DLGAP2: variants seen among roughly 807,000 people sequenced by gnomAD.
DLGAP2 encodes DLG associated protein 2.
Under a neutral mutation model 100.3 loss-of-function variants are expected in DLGAP2, and 26 were observed. The observed-to-expected ratio is 0.26, with a 90% CI of 0.19 to 0.36. The LOEUF is 0.36. Ranked by LOEUF, DLGAP2 falls within the 10% of genes least tolerant of loss-of-function variation. DLGAP2 has a pLI of 1.00. For missense variants in DLGAP2, 1,858 were observed against 1,453.2 expected (o/e 1.28, Z -4.53); for synonymous variants, 886 against 630.1 (o/e 1.41, Z -6.08).
At chr8:1,098,793 C>T (rs983025296) in intron 2 of DLGAP2, among the ~76,000 whole-genome samples, 2 of 131,378 alleles carry the variant, frequency 1.5e-5, no homozygotes, top group Admixed American at 7.4e-5. Flanking sequence ...CCCGGCCGCC[C>T]ACGGACGCCG....
At chr8:1,180,420 G>C (rs1436704710) in intron 2 of DLGAP2, among the ~76,000 whole-genome samples, 1 of 152,208 alleles carries the variant, frequency 6.6e-6, no homozygotes, top group African/African-American at 2.4e-5. Context: ...GCCCAGCCTG[G>C]TCTTGAGCTC....
intron 1 of DLGAP2, among the ~76,000 whole-genome samples, chr8:824,070 C>A (rs1024753645): frequency 1.7e-4 from 25 of 150,874 alleles, no homozygotes; most frequent in African/African-American, 5.6e-4. Context: ...TCCTCCTCTT[C>A]CTTTTTCCTT....
chr8:1,083,347 T>C (rs1438807788), intron 2 of DLGAP2, among the ~76,000 whole-genome samples: 1 of 152,204 alleles, frequency 6.6e-6, no homozygotes, highest in Non-Finnish European at 1.5e-5. Context: ...CCCCAGCCTT[T>C]CGGAGAGGCA....
At chr8:1,321,704 C>T (rs994765308) in intron 3 of DLGAP2, among the ~76,000 whole-genome samples, 1 of 152,152 alleles carries the variant, frequency 6.6e-6, no homozygotes, top group African/African-American at 2.4e-5. Flanking sequence ...AATGGATTTT[C>T]TCTAGAACTC....
At chr8:1,591,293 C>T in intron 6 of DLGAP2, among the ~76,000 whole-genome samples, 1 of 91,852 alleles carries the variant, frequency 1.1e-5, no homozygotes, top group African/African-American at 2.7e-5. Flanking sequence ...CACACCCCCT[C>T]CCCCTCCCTC....
intron 2 of DLGAP2, among the ~76,000 whole-genome samples, chr8:1,188,354 C>G (rs1367445131): frequency 9.0e-5 from 11 of 122,772 alleles, no homozygotes; most frequent in South Asian, 5.2e-4. Flanking sequence ...CACCCGGGAC[C>G]TCCGTGACGT....
At chr8:1,685,894 A>G (rs1223469594) in intron 12 of DLGAP2, among the ~76,000 whole-genome samples, 1 of 152,236 alleles carries the variant, frequency 6.6e-6, no homozygotes, top group Admixed American at 6.5e-5. Context: ...CATCCCAGCT[A>G]GAATGGCTAT....
intron 1 of DLGAP2, among the ~76,000 whole-genome samples, chr8:797,936 G>C (rs957874928): frequency 6.6e-6 from 1 of 152,058 alleles, no homozygotes; most frequent in African/African-American, 2.4e-5. Context: ...ATTTTTAGTA[G>C]AGATGGGGTT....
intron 2 of DLGAP2, among the ~76,000 whole-genome samples, chr8:1,193,374 C>T (rs1029433156): frequency 6.6e-6 from 1 of 152,160 alleles, no homozygotes; most frequent in Non-Finnish European, 1.5e-5. Context: ...TCTAACTGGT[C>T]TGAGATGGTA....
At chr8:1,253,659 G>A (rs762547088) in intron 2 of DLGAP2, among the ~76,000 whole-genome samples, 5 of 152,134 alleles carry the variant, frequency 3.3e-5, no homozygotes, top group Non-Finnish European at 5.9e-5. Context: ...TGCGTGTGGT[G>A]AGGGTTCAGG....
intron 2 of DLGAP2, among the ~76,000 whole-genome samples, chr8:1,183,365 A>G (rs948182306): frequency 2.6e-5 from 4 of 152,220 alleles, no homozygotes; most frequent in Non-Finnish European, 4.4e-5. Flanking sequence ...CTTTTAGATT[A>G]TAGATGTGGC....
At chr8:1,048,013 C>T (rs1382576301) in intron 2 of DLGAP2, among the ~76,000 whole-genome samples, 2 of 152,130 alleles carry the variant, frequency 1.3e-5, no homozygotes, top group African/African-American at 2.4e-5. Context: ...TGCAAGGGTG[C>T]GGACACTGTG....
chr8:1,355,848 G>T (rs886069102), intron 3 of DLGAP2, among the ~76,000 whole-genome samples: 1 of 152,028 alleles, frequency 6.6e-6, no homozygotes, highest in African/African-American at 2.4e-5. Context: ...CTCAAAGCTA[G>T]TCCCCTTCAC....
intron 2 of DLGAP2, among the ~76,000 whole-genome samples, chr8:1,172,442 T>C (rs1230507307): frequency 2.0e-5 from 3 of 152,030 alleles, no homozygotes; most frequent in Non-Finnish European, 2.9e-5. Context: ...CCTTGCTAGA[T>C]TGGGGAAGTT....
chr8:1,269,370 G>A (rs541677134), intron 3 of DLGAP2, among the ~76,000 whole-genome samples: 3 of 152,206 alleles, frequency 2.0e-5, no homozygotes, highest in Non-Finnish European at 2.9e-5. Flanking sequence ...CGTGTGGCAC[G>A]GCGTGGCTCT....
In DLGAP2 at chr8:831,000, A is replaced by G. The variant is rs570413715; in HGVS notation, c.19-76912A>G. 1.1e-4 allele frequency among the ~76,000 whole-genome samples: 17 copies of G among 150,020 alleles called. No homozygotes were observed. The South Asian group carries it at 3.6e-3, about 31-fold the overall frequency. Reference sequence around the variant, plus strand: ...AACCTTTGCCTCCCGAGTTCAAGCGATTCTCCTGCCTCAGCCTCCCAAGTA... The same window carrying G: ...AACCTTTGCCTCCCGAGTTCAAGCGGTTCTCCTGCCTCAGCCTCCCAAGTA... On this transcript the variant is annotated intron_variant, in intron 1 of 14. Coordinates refer to ENST00000637795, the MANE Select transcript of DLGAP2 (RefSeq NM_001346810.2).
intron 3 of DLGAP2, among the ~76,000 whole-genome samples, chr8:1,470,696 G>C (rs1798755470): frequency 6.6e-6 from 1 of 152,016 alleles, no homozygotes; most frequent in Non-Finnish European, 1.5e-5. Flanking sequence ...AGCTCCACGT[G>C]GATATTCCAT....
Position 1,444,199 on chromosome 8 carries a change from C to T in DLGAP2, c.107-57167C>T, listed in dbSNP as rs190799734. 4.5e-3 allele frequency among the ~76,000 whole-genome samples: 684 copies of T among 152,298 alleles called. 2 individuals carry two copies. Among genetic ancestry groups the T allele is most frequent in the Non-Finnish European group, 6.7e-3 (456 of 68,016 alleles). ...CTCCTGGCCTCAAGCGATCCTGTTGCCTTGGCCTCCCACAGCTCTGGGATT... is the reference window on the plus strand; with the variant it reads ...CTCCTGGCCTCAAGCGATCCTGTTGTCTTGGCCTCCCACAGCTCTGGGATT... On this transcript the variant is annotated intron_variant, in intron 3 of 14. Coordinates refer to ENST00000637795, the MANE Select transcript of DLGAP2 (RefSeq NM_001346810.2).
chr8:1,662,979 G>A (rs967476064), intron 8 of DLGAP2, among the ~76,000 whole-genome samples: 1 of 150,072 alleles, frequency 6.7e-6, no homozygotes, highest in Non-Finnish European at 1.5e-5. Flanking sequence ...GTATGACTGT[G>A]TGTGTACATG....
Sources: gnomAD v4.1 joint callset for allele counts (sites outside exome capture counted in the v4.1 genomes callset) on GRCh38, gnomAD v4.1.1 for gene constraint, MANE v1.5 for transcripts, NCBI Gene and HGNC (gene_info 2026-07-23, HGNC 2026-07-21) for gene names.